RSF1: variants seen among roughly 807,000 people sequenced by gnomAD.
RSF1 encodes the protein HBV pX-associated protein 8.
A neutral mutation model predicts 145.2 loss-of-function variants in RSF1; 13 were observed. The observed-to-expected ratio is 0.09, with a 90% CI of 0.06 to 0.14. The LOEUF (loss-of-function observed/expected upper bound fraction) is 0.14. Ranked by LOEUF, RSF1 falls within the 10% of genes least tolerant of loss-of-function variation. RSF1 has a pLI of 1.00. For missense variants in RSF1, 1,517 were observed against 1,718.2 expected (o/e 0.88, Z 2.07); for synonymous variants, 577 against 592.6 (o/e 0.97, Z 0.38).
intron 11 of RSF1, among the ~76,000 whole-genome samples, chr11:77,681,181 T>A (rs1035655056): frequency 6.6e-6 from 1 of 152,194 alleles, no homozygotes; most frequent in Non-Finnish European, 1.5e-5. Flanking sequence ...AGTCCCTTGG[T>A]CTTGGTTGTC....
At chr11:77,770,985 G>A (rs1042129268) in intron 1 of RSF1, among the ~76,000 whole-genome samples, 3 of 152,010 alleles carry the variant, frequency 2.0e-5, no homozygotes, top group African/African-American at 4.8e-5. Flanking sequence ...GTAGTACTTG[G>A]GGCAATGGCT....
the RSF1 span, among the ~76,000 whole-genome samples, chr11:77,834,318 A>T: frequency 0.34 from 52,243 of 152,030 alleles, 9,170 homozygotes; most frequent in East Asian, 0.46. Flanking sequence ...CAAAGTTTCT[A>T]CAGAAGTAAA....
intron 2 of RSF1, among the ~76,000 whole-genome samples, chr11:77,748,226 TTTC>T (rs1948023026): frequency 6.6e-6 from 1 of 151,342 alleles, no homozygotes; most frequent in Non-Finnish European, 1.5e-5. Context: ...CTTTTTTTTT[TTTC>T]TTTTTTTTTT....
At chr11:77,727,888 T>A (rs1024764052) in intron 4 of RSF1, among the ~76,000 whole-genome samples, 4 of 152,214 alleles carry the variant, frequency 2.6e-5, no homozygotes, top group Non-Finnish European at 4.4e-5. Flanking sequence ...AAGCCTAAGG[T>A]AGTCGTTATT....
At chr11:77,803,940 G>T (rs769513154) in intron 1 of RSF1, among the ~76,000 whole-genome samples, 3 of 152,122 alleles carry the variant, frequency 2.0e-5, no homozygotes, top group Non-Finnish European at 4.4e-5. Flanking sequence ...AATTAACTGG[G>T]CATGGTAACA....
chr11:77,860,832 C>T, the RSF1 span, among the ~76,000 whole-genome samples: 5 of 152,188 alleles, frequency 3.3e-5, no homozygotes, highest in Non-Finnish European at 7.3e-5. Context: ...TTTGGGAAAG[C>T]AGAGTACAAC....
At chr11:77,781,588 TAAGAGTTCC>T (rs1948405132) in intron 1 of RSF1, among the ~76,000 whole-genome samples, 1 of 152,254 alleles carries the variant, frequency 6.6e-6, no homozygotes. Context: ...TATTATTGTC[TAAGAGTTCC>T]AACTGTTTCA....
At chr11:77,852,369 C>T in the RSF1 span, among the ~76,000 whole-genome samples, 1 of 151,956 alleles carries the variant, frequency 6.6e-6, no homozygotes. Flanking sequence ...ATTTTAGATG[C>T]CTCCCATTTC....
chr11:77,840,958 A>C, the RSF1 span: 1 of 488,666 alleles, frequency 2.0e-6, no homozygotes, highest in Non-Finnish European at 3.7e-6. Context: ...TGCTCCTATA[A>C]CTGAATACCT....
chr11:77,822,149 A>G (rs962312016), upstream of RSF1, among the ~76,000 whole-genome samples: 1 of 152,176 alleles, frequency 6.6e-6, no homozygotes, highest in Non-Finnish European at 1.5e-5. Context: ...TAATTCCTAA[A>G]AAGAATTTGG....
intron 5 of RSF1, among the ~76,000 whole-genome samples, chr11:77,712,630 T>G (rs1413820884): frequency 6.6e-6 from 1 of 152,250 alleles, no homozygotes; most frequent in East Asian, 1.9e-4. Flanking sequence ...TTAGTATCTA[T>G]CAGGGATCTT....
At chr11:77,837,188 T>A in the RSF1 span, among the ~76,000 whole-genome samples, 1 of 152,020 alleles carries the variant, frequency 6.6e-6, no homozygotes, top group South Asian at 2.1e-4. Context: ...CAGGCTGGAG[T>A]GCAGTGGCAC....
chr11:77,843,238 C>G, the RSF1 span, among the ~76,000 whole-genome samples: 2 of 152,144 alleles, frequency 1.3e-5, no homozygotes, highest in African/African-American at 4.8e-5. Context: ...AAGTGTTGTT[C>G]TCATTGCGGT....
At chr11:77,806,999 T>C (rs1461555800) in intron 1 of RSF1, among the ~76,000 whole-genome samples, 2 of 152,230 alleles carry the variant, frequency 1.3e-5, no homozygotes, top group East Asian at 1.9e-4. Flanking sequence ...TAAGAGAAAA[T>C]TAATTCCTTA....
chr11:77,722,141 C>T (rs1020507555), intron 5 of RSF1, among the ~76,000 whole-genome samples: 8 of 152,306 alleles, frequency 5.3e-5, no homozygotes, highest in Admixed American at 4.6e-4. Context: ...GATTGCACTA[C>T]TGCACTCCAG....
At chr11:77,669,828 G>A (rs1004504994) in intron 15 of RSF1, among the ~76,000 whole-genome samples, 2 of 152,180 alleles carry the variant, frequency 1.3e-5, no homozygotes, top group African/African-American at 4.8e-5. Flanking sequence ...TAATCTTCCA[G>A]TAAAAACTGT....
chr11:77,790,015 T>G (rs1483508278), intron 1 of RSF1, among the ~76,000 whole-genome samples: 3 of 152,280 alleles, frequency 2.0e-5, no homozygotes, highest in African/African-American at 7.2e-5. Context: ...TGCTCAGGAC[T>G]AAGAAGGCAG....
At chr11:77,717,094 C>T (rs1254221902) in intron 5 of RSF1, among the ~76,000 whole-genome samples, 1 of 149,002 alleles carries the variant, frequency 6.7e-6, no homozygotes, top group African/African-American at 2.5e-5. Context: ...GGAAGGATCA[C>T]TTGAGCCCAG....
intron 4 of RSF1, 25 bp downstream of exon 4, chr11:77,740,706 G>A: frequency 1.3e-6 from 2 of 1,584,436 alleles, no homozygotes; most frequent in Non-Finnish European, 1.7e-6. Context: ...ACAAATAAGT[G>A]TAAAAAGGTT....
Sources: allele counts gnomAD v4.1 joint callset (sites outside exome capture counted in the v4.1 genomes callset), GRCh38; gene constraint gnomAD v4.1.1; transcripts MANE v1.5; gene names NCBI Gene and HGNC (gene_info 2026-07-23, HGNC 2026-07-21).